The following SOSTDC1 variants were observed in gnomAD, a reference collection of about 807,000 sequenced individuals.
SOSTDC1 encodes the protein sclerostin domain containing 1.
In SOSTDC1, 7 loss-of-function variants were observed where a neutral mutation model predicts 15.1. That is an observed-to-expected ratio of 0.46 (90% CI 0.26 to 0.87). The LOEUF (loss-of-function observed/expected upper bound fraction) is 0.87. SOSTDC1 is among the 40% of genes least tolerant of loss of function. The pLI, the probability that SOSTDC1 is intolerant of heterozygous loss-of-function variation, is 0.15. For synonymous variants in SOSTDC1, 94 were observed against 93.2 expected, an observed-to-expected ratio of 1.01 and a Z score of -0.05; for missense variants, 242 against 259.2, an observed-to-expected ratio of 0.93 and a Z score of 0.46.
intron 1 of SOSTDC1, among the ~76,000 whole-genome samples, chr7:16,463,429 G>A (rs1354390245): frequency 6.6e-6 from 1 of 152,008 alleles, no homozygotes; most frequent in Non-Finnish European, 1.5e-5. Flanking sequence ...GAAAAAATGT[G>A]ATAGCCATTT....
chr7:16,462,658 G>T lies in SOSTDC1; in HGVS notation c.511C>A (p.Gln171Lys), dbSNP rs1371917149. The T allele has an allele frequency of 6.2e-7, 1 of 1,614,194 alleles. No homozygotes were observed. Among genetic ancestry groups the T allele is most frequent in the Admixed American group, 1.7e-5 (1 of 60,022 alleles). ...AAGTTGTGACTGGACTCGTTGTGCT[G>T]CCGGGTGTACCTCTTGCACTTGCAG... ...TACKCKRYTRQHNESSHNFES... is the reference protein window; with the variant it reads ...TACKCKRYTRKHNESSHNFES... The change falls in exon 2 of 2, where the codon CAG (glutamine) becomes AAG (lysine). Residue 171 changes from glutamine (Q) to lysine (K), a missense_variant. Coordinates refer to ENST00000307068, the MANE Select transcript of SOSTDC1 (RefSeq NM_015464.3).
intron 1 of SOSTDC1, among the ~76,000 whole-genome samples, 193 bp downstream of exon 1, chr7:16,465,271 T>C (rs1193214114): frequency 6.6e-6 from 1 of 152,240 alleles, no homozygotes; most frequent in African/African-American, 2.4e-5. Context: ...ATTAAACCAC[T>C]GTTTTAGTTA....
In SOSTDC1 at chr7:16,462,396, T is replaced by C; in HGVS notation, c.*152A>G. The C allele has an allele frequency of 2.6e-6, 2 of 765,284 alleles. No individual in the cohort carries two copies. Among genetic ancestry groups the C allele is most frequent in the Non-Finnish European group, 4.3e-6 (2 of 470,544 alleles). The allele number at this position is 765,284 out of a possible 1,614,324, so 47.4% of individuals were successfully genotyped here. Reference sequence around the variant, plus strand: ...AAGGAAAAACTATTCCCAAAGAAGGTCCTGATACTTAAGACAGCTTGCTGG... The same window carrying C: ...AAGGAAAAACTATTCCCAAAGAAGGCCCTGATACTTAAGACAGCTTGCTGG... On this transcript the variant is annotated 3_prime_UTR_variant, in exon 2 of 2. Transcript: ENST00000307068.
chr7:16,462,917 G>C lies in SOSTDC1; in HGVS notation c.252C>G (p.Ile84Met). ...GCRELRSTKY[I>M]SDGQCTSISP... ...TGATGCTGGTGCACTGGCCATCAGA[G>C]ATGTATTTGGTGGAACGCAGTTCCC... Residue 84 changes from isoleucine (I) to methionine (M), a missense_variant, in exon 2 of 2, where the codon ATC becomes ATG. Ile to Met is a conservative substitution (Grantham distance 10). Transcript: ENST00000307068. 1 of 1,605,096 alleles carries C rather than the reference G, an allele frequency of 6.2e-7. No homozygotes were observed. The highest frequency in any genetic ancestry group is 1.1e-5 in the South Asian group (1 of 90,468).
In SOSTDC1 at chr7:16,462,530, G is replaced by T. The variant is rs1280411999; in HGVS notation, c.*18C>A. On this transcript the variant is annotated 3_prime_UTR_variant, in exon 2 of 2. Transcript: ENST00000307068. ...AAGCAGATGGTTACTAGTAAGTCTA[G>T]TTATGGGAGTCTGAGTTCTAACTCA... The T allele has an allele frequency of 6.2e-7, 1 of 1,612,348 alleles. No homozygotes were observed. The highest frequency in any genetic ancestry group is 8.5e-7 in the Non-Finnish European group (1 of 1,178,688).
chr7:16,465,495 C>T lies in SOSTDC1; in HGVS notation c.174G>A (p.Arg58=). The change falls in exon 1 of 2, where the codon AGG becomes AGA. Residue 58 remains arginine (R), a synonymous_variant. Transcript: ENST00000307068. ...GATCCAGTCCAGTGTTACTGAAATGCCTGCCTCCATTTCTGGCTTGATTCA... is the reference window on the plus strand; with the variant it reads ...GATCCAGTCCAGTGTTACTGAAATGTCTGCCTCCATTTCTGGCTTGATTCA... ...STLNQARNGG[R]HFSNTGLDRN... 1.2e-6 allele frequency: 2 copies of T among 1,614,064 alleles called. No homozygotes were observed. The highest frequency in any genetic ancestry group is 8.5e-7 in the Non-Finnish European group (1 of 1,179,996).
rs148501735 is a variant in SOSTDC1 at position 16,462,306 on chromosome 7, C to A, written c.*242G>T. 7.2e-4 allele frequency: 341 copies of A among 476,192 alleles called. No individual in the cohort carries two copies. The highest frequency in any genetic ancestry group is 5.8e-3 in the African/African-American group (301 of 51,996). 29.5% of individuals were successfully genotyped at this position (476,192 alleles called of 1,614,324 possible). A position where few individuals can be genotyped will look rare whatever the true frequency, so the allele number is the denominator to read the frequency against. Reference sequence around the variant, plus strand: ...TAAGAACAATGAGGAATTAAAACTACAGGATACGTGGAATTTAAATGCAAA... The same window carrying A: ...TAAGAACAATGAGGAATTAAAACTAAAGGATACGTGGAATTTAAATGCAAA... On this transcript the variant is annotated 3_prime_UTR_variant, in exon 2 of 2. Coordinates refer to ENST00000307068, the MANE Select transcript of SOSTDC1 (RefSeq NM_015464.3).
chr7:16,465,655 G>A lies in SOSTDC1; in HGVS notation c.14C>T (p.Ala5Val), dbSNP rs146877090. ...AAGGGGAAGGAGATAGAAATGAATG[G>A]CAGGAGGAAGCATGGTGAGTAGAGG... MLPP[A>V]IHFYLLPLAC... is the part of the protein sequence containing the mutation. The change falls in exon 1 of 2, where the codon GCC becomes GTC. Residue 5 changes from alanine (A) to valine (V), a missense_variant. Coordinates refer to ENST00000307068, the MANE Select transcript of SOSTDC1 (RefSeq NM_015464.3). The A allele has an allele frequency of 8.1e-6, 13 of 1,613,860 alleles. No homozygotes were observed. The highest frequency in any genetic ancestry group is 1.6e-4 in the Middle Eastern group (1 of 6,082).
intron 1 of SOSTDC1, among the ~76,000 whole-genome samples, 199 bp downstream of exon 1, chr7:16,465,265 A>T (rs1781284486): frequency 6.6e-6 from 1 of 152,168 alleles, no homozygotes; most frequent in Non-Finnish European, 1.5e-5. Flanking sequence ...TGCACTATTA[A>T]ACCACTGTTT....
Position 16,465,512 on chromosome 7 carries a change from C to T in SOSTDC1, c.157G>A (p.Ala53Thr). ...CTGAAATGCCTGCCTCCATTTCTGG[C>T]TTGATTCAACGTGCTGTTGCTGCTG... ...HPSSNSTLNQ[A>T]RNGGRHFSNT... The change falls in exon 1 of 2, where the codon GCC becomes ACC. Residue 53 changes from alanine to threonine, a missense_variant. By Grantham distance (58) the Ala-to-Thr change is moderately conservative (BLOSUM62 0). Transcript: ENST00000307068. The T allele has an allele frequency of 6.2e-7, 1 of 1,614,110 alleles. No individual in the cohort carries two copies. The highest frequency in any genetic ancestry group is 8.5e-7 in the Non-Finnish European group (1 of 1,180,002).
chr7:16,465,634 G>T lies in SOSTDC1; in HGVS notation c.35C>A (p.Pro12His). 1 of 1,614,100 alleles carries T rather than the reference G, an allele frequency of 6.2e-7. No homozygotes were observed. The highest frequency in any genetic ancestry group is 8.5e-7 in the Non-Finnish European group (1 of 1,179,974). ...GCTTTTCATTAGGATGCATGCAAGG[G>T]GAAGGAGATAGAAATGAATGGCAGG... ...LPPAIHFYLL[P>H]LACILMKSCL... is the part of the protein sequence containing the mutation. Residue 12 changes from proline (P) to histidine (H), a missense_variant, in exon 1 of 2, where the codon CCC becomes CAC. Transcript: ENST00000307068.
chr7:16,465,295 A>G (rs946945252), intron 1 of SOSTDC1, among the ~76,000 whole-genome samples, 169 bp downstream of exon 1: 1 of 152,208 alleles, frequency 6.6e-6, no homozygotes, highest in African/African-American at 2.4e-5. Flanking sequence ...TAACTTTAAA[A>G]TCACTACCTA....
Position 16,462,570 on chromosome 7 carries a change from G to T in SOSTDC1, c.599C>A (p.Ser200Tyr). 1.2e-6 allele frequency: 2 copies of T among 1,614,122 alleles called. No homozygotes were observed. The highest frequency in any genetic ancestry group is 1.3e-5 in the African/African-American group (1 of 75,044). The part of the protein sequence containing the change: ...HHRERKRASK[S>Y]SKHSMS The stretch of plus-strand genomic sequence containing the variant: ...GTTCTAACTCATGCTGTGCTTGCTG[G>T]ATTTGCTGGCTCTTTTCCGCTCTCT... The change falls in exon 2 of 2, where the codon TCC (serine) becomes TAC (tyrosine). Residue 200 changes from serine (S) to tyrosine (Y), a missense_variant. By Grantham distance (144) the Ser-to-Tyr change is moderately radical. Transcript: ENST00000307068.
chr7:16,465,728 AC>A lies in SOSTDC1; in HGVS notation c.-61del. ...TTAATTCTTTTGCTTCTGCTTCTGC[AC>A]TGTAACTGTGAAATTCCTCCTCAAG... On this transcript the variant is annotated 5_prime_UTR_variant, in exon 1 of 2. The change creates a new upstream start codon in the 5' untranslated region. Transcript: ENST00000307068. The A allele has an allele frequency of 6.9e-7, 1 of 1,453,452 alleles. No individual in the cohort carries two copies. The allele number at this position is 1,453,452 out of a possible 1,614,324, so 90.0% of individuals were successfully genotyped here.
At chr7:16,464,426 T>A (rs1781261383) in intron 1 of SOSTDC1, 1 of 1,418,712 alleles carries the variant, frequency 7.0e-7, no homozygotes, top group Admixed American at 2.0e-5. Flanking sequence ...CAGTGACAGT[T>A]CATTGACAAC....
At chr7:16,463,682 G>A (rs566947379) in intron 1 of SOSTDC1, among the ~76,000 whole-genome samples, 21 of 152,080 alleles carry the variant, frequency 1.4e-4, no homozygotes, top group Admixed American at 7.9e-4. Context: ...AATCAGGAAC[G>A]TATGGTTGCC....
intron 1 of SOSTDC1, chr7:16,464,225 T>A (rs1394941945): frequency 1.0e-6 from 1 of 969,298 alleles, no homozygotes; most frequent in Non-Finnish European, 1.6e-6. Context: ...CATGCATGCA[T>A]AGAAATCTAG....
At position 16,465,728 on chromosome 7, in the gene SOSTDC1, A is replaced by C. The variant is rs1456720750; in HGVS notation, c.-60T>G. ...TTAATTCTTTTGCTTCTGCTTCTGCACTGTAACTGTGAAATTCCTCCTCAA... is the reference window on the plus strand; with the variant it reads ...TTAATTCTTTTGCTTCTGCTTCTGCCCTGTAACTGTGAAATTCCTCCTCAA... On this transcript the variant is annotated 5_prime_UTR_variant, in exon 1 of 2. Transcript: ENST00000307068. 9 of 1,453,334 alleles carry C rather than the reference A, an allele frequency of 6.2e-6. No homozygotes were observed. Among genetic ancestry groups the C allele is most frequent in the Non-Finnish European group, 8.6e-6 (9 of 1,042,678 alleles). The allele number at this position is 1,453,334 out of a possible 1,614,324, so 90.0% of individuals were successfully genotyped here.
chr7:16,463,519 A>C (rs1781247208), intron 1 of SOSTDC1, among the ~76,000 whole-genome samples: 1 of 152,212 alleles, frequency 6.6e-6, no homozygotes, highest in Non-Finnish European at 1.5e-5. Context: ...TCAGACATAC[A>C]TGTGTACAAC....
Sources: gnomAD v4.1 joint callset for allele counts (sites outside exome capture counted in the v4.1 genomes callset) on GRCh38, gnomAD v4.1.1 for gene constraint, MANE v1.5 for transcripts, NCBI Gene and HGNC (gene_info 2026-07-23, HGNC 2026-07-21) for gene names.